The following PDPR variants were observed in gnomAD, a reference collection of about 807,000 sequenced individuals.
The protein encoded by PDPR is pyruvate dehydrogenase phosphatase regulatory subunit, mitochondrial.
In PDPR, 50 loss-of-function variants were observed where a neutral mutation model predicts 102.2. The ratio of observed to expected loss-of-function variants is 0.49; its 90% CI spans 0.39 to 0.62. The LOEUF is 0.62. Among genes scored for constraint, PDPR ranks in the 20% least tolerant of loss-of-function variants. PDPR has a pLI of 0.00. For synonymous variants in PDPR, 259 were observed against 406.0 expected (o/e 0.64, Z 4.35); for missense variants, 625 against 1,098.2 (o/e 0.57, Z 6.09).
chr16:70,154,623 C>T (rs1024544262), intron 18 of PDPR, among the ~76,000 whole-genome samples: 18 of 152,236 alleles, frequency 1.2e-4, no homozygotes, highest in African/African-American at 4.3e-4. Flanking sequence ...TAGTCAGCTG[C>T]CTAATTTTTG....
At chr16:70,140,311 C>T (rs1965578997) in intron 11 of PDPR, among the ~76,000 whole-genome samples, 1 of 152,210 alleles carries the variant, frequency 6.6e-6, no homozygotes. Flanking sequence ...ACTGTGTACT[C>T]CAGCCTGGGC....
chr16:70,120,818 A>G (rs960839001), intron 3 of PDPR, 99 bp downstream of exon 3: 1 of 797,250 alleles, frequency 1.3e-6, no homozygotes, highest in Non-Finnish European at 2.1e-6. Flanking sequence ...GCTAATCTAA[A>G]TGTTGCTAAG....
chr16:70,149,555 C>T (rs1383750779), intron 17 of PDPR, among the ~76,000 whole-genome samples: 7 of 152,252 alleles, frequency 4.6e-5, no homozygotes, highest in Non-Finnish European at 7.3e-5. Context: ...CATGAGCTAC[C>T]ATGCCCGGCC....
At chr16:70,137,650 G>C (rs1965286612) in intron 10 of PDPR, among the ~76,000 whole-genome samples, 1 of 152,290 alleles carries the variant, frequency 6.6e-6, no homozygotes, top group African/African-American at 2.4e-5. Context: ...AAATGGGTAA[G>C]ATGGTAGCCA....
intron 9 of PDPR, among the ~76,000 whole-genome samples, chr16:70,135,945 T>G (rs1162007449): frequency 2.6e-5 from 4 of 152,214 alleles, no homozygotes. Context: ...GGTGCACGCC[T>G]GTAATCCGAG....
intron 6 of PDPR, among the ~76,000 whole-genome samples, chr16:70,129,763 T>C (rs1260504979): frequency 7.9e-5 from 12 of 152,372 alleles, no homozygotes; most frequent in South Asian, 2.1e-4. Context: ...CCCAGTTGCA[T>C]TGAATGAGGG....
intron 18 of PDPR, 83 bp downstream of exon 18, chr16:70,153,656 A>G: frequency 7.2e-7 from 1 of 1,383,410 alleles, no homozygotes; most frequent in East Asian, 2.5e-5. Flanking sequence ...AACTGATGTG[A>G]CAGGAAAAGG....
chr16:70,119,924 GT>G (rs1173464927), intron 2 of PDPR, among the ~76,000 whole-genome samples: 6 of 143,932 alleles, frequency 4.2e-5, no homozygotes, highest in East Asian at 3.9e-4. Context: ...TTGTTTGTTT[GT>G]TTTTTTTTTG....
At chr16:70,116,405 AGT>A (rs1389165678) in intron 2 of PDPR, among the ~76,000 whole-genome samples, 1 of 147,714 alleles carries the variant, frequency 6.8e-6, no homozygotes, top group Non-Finnish European at 1.5e-5. Context: ...TTTAAGACAG[AGT>A]CTCACTGTGT....
chr16:70,142,608 C>T lies in PDPR; in HGVS notation c.1527C>T (p.Ile509=), dbSNP rs372598022. 5.1e-5 allele frequency: 83 copies of T among 1,613,900 alleles called. No individual in the cohort carries two copies. Among genetic ancestry groups the T allele is most frequent in the Non-Finnish European group, 6.3e-5 (74 of 1,179,870 alleles). ...KTFYKPDWFD[I]VESEVKCCKE... ...TCTATAAGCCAGATTGGTTTGACAT[C>T]GTGGAGTCTGAAGTCAAGTGCTGTA... The change falls in exon 13 of 19, where the codon ATC becomes ATT. Residue 509 remains isoleucine (I), a synonymous_variant. Transcript: ENST00000288050.
At position 70,153,384 on chromosome 16, in the gene PDPR, C is replaced by G. The variant is rs1966846389; in HGVS notation, c.2053-7C>G. 1.9e-6 allele frequency: 3 copies of G among 1,609,546 alleles called. No individual in the cohort carries two copies. Among genetic ancestry groups the G allele is most frequent in the Non-Finnish European group, 2.5e-6 (3 of 1,178,242 alleles). Reference sequence around the variant, plus strand: ...GCTGCTTATGAACTTTCTGTCTCTTCCTATAGTACGCCCTGCATGTATACA... The same window carrying G: ...GCTGCTTATGAACTTTCTGTCTCTTGCTATAGTACGCCCTGCATGTATACA... On this transcript the variant is annotated splice_polypyrimidine_tract_variant and splice_region_variant and intron_variant, in intron 17 of 18. Coordinates refer to ENST00000288050, the MANE Select transcript of PDPR (RefSeq NM_017990.5).
chr16:70,130,018 C>T (rs528360102), intron 6 of PDPR, among the ~76,000 whole-genome samples: 3 of 152,368 alleles, frequency 2.0e-5, no homozygotes, highest in Admixed American at 1.3e-4. Context: ...TTGAGCCGGG[C>T]GTGGTGTCTC....
intron 10 of PDPR, among the ~76,000 whole-genome samples, chr16:70,138,238 G>GTTTTTTTTTT (rs1965364126): frequency 1.6e-5 from 1 of 61,836 alleles, no homozygotes; most frequent in Non-Finnish European, 3.5e-5. Context: ...TTTTTTTTGA[G>GTTTTTTTTTT]TTGGGGTTTC....
chr16:70,155,845 G>A (rs1327867971), intron 18 of PDPR, among the ~76,000 whole-genome samples: 1 of 137,694 alleles, frequency 7.3e-6, no homozygotes, highest in Non-Finnish European at 1.5e-5. Flanking sequence ...TGTGTCAACC[G>A]AGGCTGGACT....
rs914476397 is a variant in PDPR at position 70,131,629 on chromosome 16, T to C, written c.847+210T>C. Reference sequence around the variant, plus strand: ...TTTCCATTAATACATTTTTTTGTTTTTGTTTGTTTTGCAAGCTAATTTTAG... The same window carrying C: ...TTTCCATTAATACATTTTTTTGTTTCTGTTTGTTTTGCAAGCTAATTTTAG... On this transcript the variant is annotated intron_variant, in intron 8 of 18. Coordinates refer to ENST00000288050, the MANE Select transcript of PDPR (RefSeq NM_017990.5). The C allele has an allele frequency of 3.1e-6, 3 of 971,648 alleles. No individual in the cohort carries two copies. The African/African-American group carries it at 5.3e-5, about 17-fold the overall frequency. 60.2% of individuals were successfully genotyped at this position (971,648 alleles called of 1,614,324 possible). A position where few individuals can be genotyped will look rare whatever the true frequency, so the allele number is the denominator to read the frequency against.
intron 2 of PDPR, among the ~76,000 whole-genome samples, chr16:70,117,931 A>G (rs1407759265): frequency 3.3e-5 from 5 of 152,010 alleles, no homozygotes; most frequent in Non-Finnish European, 7.4e-5. Context: ...TGTCTGTACT[A>G]AAAATACAAA....
chr16:70,141,329 C>T (rs568618158), intron 11 of PDPR, among the ~76,000 whole-genome samples: 7 of 152,378 alleles, frequency 4.6e-5, no homozygotes, highest in East Asian at 1.9e-4. Context: ...GGTTTACAGA[C>T]GTGAGCCACC....
rs184528539 is a variant in PDPR at position 70,120,896 on chromosome 16, C to G, written c.227+177C>G. ...AAGGATGACTAATAATGCTCATGTT[C>G]TCTGGTTTTTAGAGAGTTGGCAAAT... On this transcript the variant is annotated intron_variant, in intron 3 of 18. Transcript: ENST00000288050. Among the ~76,000 whole-genome samples the G allele has an allele frequency of 2.1e-5, 3 of 145,536 alleles. No homozygotes were observed. The East Asian group carries it at 6.2e-4, about 30-fold the overall frequency.
At chr16:70,134,311 C>T (rs553139968) in intron 9 of PDPR, among the ~76,000 whole-genome samples, 300 of 151,916 alleles carry the variant, frequency 2.0e-3, no homozygotes, top group Middle Eastern at 0.01. Flanking sequence ...CTGCATCCTC[C>T]GCCTCCTGGA....
Sources: gnomAD v4.1 joint callset for allele counts (sites outside exome capture counted in the v4.1 genomes callset) on GRCh38, gnomAD v4.1.1 for gene constraint, MANE v1.5 for transcripts, NCBI Gene and HGNC (gene_info 2026-07-23, HGNC 2026-07-21) for gene names.